The following RXRA variants were observed in gnomAD, a reference collection of about 807,000 sequenced individuals.
RXRA encodes retinoid X receptor alpha.
RXRA carries 5 observed loss-of-function variants against 44.5 expected under a neutral mutation model. The ratio of observed to expected loss-of-function variants is 0.11; its 90% CI spans 0.06 to 0.24. The LOEUF (loss-of-function observed/expected upper bound fraction) is 0.24, where lower values mean the gene tolerates loss of function less well. Among genes scored for constraint, RXRA ranks in the 10% least tolerant of loss-of-function variants. The pLI, the probability that RXRA is intolerant of heterozygous loss-of-function variation, is 1.00. For missense variants in RXRA, 412 were observed against 646.5 expected (o/e 0.64, Z 3.93); for synonymous variants, 291 against 271.4 (o/e 1.07, Z -0.71).
intron 1 of RXRA, among the ~76,000 whole-genome samples, chr9:134,378,003 G>C (rs1830584298): frequency 6.6e-6 from 1 of 152,258 alleles, no homozygotes; most frequent in Admixed American, 6.5e-5. Flanking sequence ...GCCACACCCA[G>C]GCCTGGCCCC....
At position 134,336,349 on chromosome 9, in the gene RXRA, C is replaced by T. The variant is rs79374668; in HGVS notation, c.28+9690C>T. On this transcript the variant is annotated intron_variant, in intron 1 of 9. Coordinates refer to ENST00000481739, the MANE Select transcript of RXRA (RefSeq NM_002957.6). ...AGGGGGCGTCACCCCTTAGCGGCAACGTAGAGCTGGTCTCCAGGCCCCTGC... is the reference window on the plus strand; with the variant it reads ...AGGGGGCGTCACCCCTTAGCGGCAATGTAGAGCTGGTCTCCAGGCCCCTGC... Among the ~76,000 whole-genome samples the T allele has an allele frequency of 2.1e-3, 315 of 152,338 alleles. 1 individual carries two copies. Among genetic ancestry groups the T allele is most frequent in the African/African-American group, 6.9e-3 (287 of 41,574 alleles).
chr9:134,431,640 A>G (rs1011284746), intron 7 of RXRA, among the ~76,000 whole-genome samples: 1 of 152,202 alleles, frequency 6.6e-6, no homozygotes, highest in African/African-American at 2.4e-5. Context: ...GGTTCCCAGA[A>G]TAAAGCCCCG....
chr9:134,409,975 C>A (rs1275161856), intron 4 of RXRA, among the ~76,000 whole-genome samples: 1 of 152,222 alleles, frequency 6.6e-6, no homozygotes, highest in Non-Finnish European at 1.5e-5. Flanking sequence ...GTGTGTCTTA[C>A]TTCCTCCCCG....
At chr9:134,375,283 T>C (rs767041413) in intron 1 of RXRA, among the ~76,000 whole-genome samples, 13 of 151,992 alleles carry the variant, frequency 8.6e-5, no homozygotes, top group Non-Finnish European at 1.2e-4. Flanking sequence ...CGCGTGTCAC[T>C]GTGGGGAGGT....
chr9:134,402,105 G>A (rs1830972528), intron 2 of RXRA: 2 of 557,446 alleles, frequency 3.6e-6, no homozygotes, highest in Non-Finnish European at 6.3e-6. Context: ...CAGCCGAGGT[G>A]ACTTGCAGCT....
rs1211908267 is a variant in RXRA, at chr9:134,437,639, G to A, written c.*1025G>A. Reference sequence around the variant, plus strand: ...CCTCAGAGGGGGCAGGTGGCCTGGAGAGAGAGGGGCTCAGGAACTGGGAGC... The same window carrying A: ...CCTCAGAGGGGGCAGGTGGCCTGGAAAGAGAGGGGCTCAGGAACTGGGAGC... On this transcript the variant is annotated 3_prime_UTR_variant, in exon 10 of 10. Transcript: ENST00000481739. 1 of 152,408 alleles carries A rather than the reference G, an allele frequency of 6.6e-6. No homozygotes were observed. The highest frequency in any genetic ancestry group is 1.5e-5 in the Non-Finnish European group (1 of 68,176). 9.4% of individuals were successfully genotyped at this position (152,408 alleles called of 1,614,324 possible). A position where few individuals can be genotyped will look rare whatever the true frequency, so the allele number is the denominator to read the frequency against.
intron 1 of RXRA, among the ~76,000 whole-genome samples, chr9:134,400,888 C>T (rs564537808): frequency 7.9e-5 from 12 of 152,322 alleles, no homozygotes; most frequent in African/African-American, 2.6e-4. Context: ...ATCTGGTCCC[C>T]TCAAACAGAC....
intron 6 of RXRA, chr9:134,425,500 G>C (rs1274667850): frequency 2.0e-6 from 2 of 981,002 alleles, no homozygotes; most frequent in Non-Finnish European, 1.2e-6. Flanking sequence ...CAGCGGGGTC[G>C]TCTGAGGGCC....
In RXRA at chr9:134,361,154, C is replaced by T. The variant is rs529806964; in HGVS notation, c.28+34495C>T. ...GCCATCTGACTCATCCAATTAATGC[C>T]GTGATCATTTTGCTAATTCCCTCAG... On this transcript the variant is annotated intron_variant, in intron 1 of 9. Coordinates refer to ENST00000481739, the MANE Select transcript of RXRA (RefSeq NM_002957.6). Among the ~76,000 whole-genome samples, 10 of 152,350 alleles carry T rather than the reference C, an allele frequency of 6.6e-5. No individual in the cohort carries two copies. The South Asian group carries it at 1.2e-3, about 19-fold the overall frequency.
chr9:134,352,045 G>C (rs1185156617), intron 1 of RXRA, among the ~76,000 whole-genome samples: 1 of 152,214 alleles, frequency 6.6e-6, no homozygotes, highest in Non-Finnish European at 1.5e-5. Context: ...AGGGCGGCTC[G>C]GGGCAGCCCG....
chr9:134,435,282 A>G (rs1472598331), intron 9 of RXRA, among the ~76,000 whole-genome samples: 2 of 152,138 alleles, frequency 1.3e-5, no homozygotes, highest in Non-Finnish European at 2.9e-5. Context: ...GGCCAGCCGG[A>G]AGGGACACCT....
rs1830191825 is a variant in RXRA at position 134,349,245 on chromosome 9, A to G, written c.28+22586A>G. 6.6e-6 allele frequency among the ~76,000 whole-genome samples: 1 copy of G among 152,074 alleles called. No individual in the cohort carries two copies. Among genetic ancestry groups the G allele is most frequent in the Non-Finnish European group, 1.5e-5 (1 of 68,016 alleles). ...TGCACCAGCCTGGCCCCGAGCTCCC[A>G]CTTCCTCATGCTGGGCACATGGGGA... On this transcript the variant is annotated intron_variant, in intron 1 of 9. Coordinates refer to ENST00000481739, the MANE Select transcript of RXRA (RefSeq NM_002957.6). This position sits in a 1 kb window ranked among gnomAD's most constrained non-coding sequence, Gnocchi z 4.3.
intron 2 of RXRA, chr9:134,406,291 G>A (rs1831049042): frequency 6.6e-6 from 1 of 151,898 alleles, no homozygotes; most frequent in African/African-American, 2.4e-5. Flanking sequence ...CTACTCAGGA[G>A]GCTGAAGCAG....
intron 1 of RXRA, among the ~76,000 whole-genome samples, chr9:134,351,080 C>A (rs782297144): frequency 6.6e-6 from 1 of 152,262 alleles, no homozygotes; most frequent in Non-Finnish European, 1.5e-5. Flanking sequence ...GGTACAAACA[C>A]CGCATTGTGA....
At position 134,407,301 on chromosome 9, in the gene RXRA, G is replaced by C. The variant is rs573683915; in HGVS notation, c.280-848G>C. Among the ~76,000 whole-genome samples the C allele has an allele frequency of 1.3e-5, 2 of 152,258 alleles. No individual in the cohort carries two copies. The highest frequency in any genetic ancestry group is 1.3e-4 in the Admixed American group (2 of 15,290). On this transcript the variant is annotated intron_variant, in intron 2 of 9. Transcript: ENST00000481739. This position sits in a 1 kb window ranked among gnomAD's most constrained non-coding sequence, Gnocchi z 4.8. ...GGGGAGCTTCCTGCGCACAAGCGGC[G>C]GCAGGGGTTTGCAGAAGTGGAGGCT...
chr9:134,337,730 C>T (rs1554747522), intron 1 of RXRA, among the ~76,000 whole-genome samples: 2 of 152,102 alleles, frequency 1.3e-5, no homozygotes, highest in South Asian at 2.1e-4. Flanking sequence ...CTTCACTTTG[C>T]GTCGTCGAAG....
intron 4 of RXRA, among the ~76,000 whole-genome samples, chr9:134,412,455 C>T (rs34317877): frequency 0.015 from 2,301 of 152,318 alleles, 57 homozygotes; most frequent in African/African-American, 0.051. Flanking sequence ...TGCCCCCATG[C>T]GGTGACTCTG....
intron 1 of RXRA, among the ~76,000 whole-genome samples, chr9:134,364,129 T>C (rs1830386376): frequency 1.3e-5 from 2 of 152,206 alleles, no homozygotes; most frequent in Non-Finnish European, 2.9e-5. Context: ...AACCGTGATG[T>C]TGCCCATTTC....
chr9:134,411,273 GC>G (rs1219177622), intron 4 of RXRA, among the ~76,000 whole-genome samples: 1 of 152,176 alleles, frequency 6.6e-6, no homozygotes, highest in Admixed American at 6.5e-5. Context: ...GCCCCCCAAA[GC>G]CTGGGGACGA....
Sources: allele counts gnomAD v4.1 joint callset (sites outside exome capture counted in the v4.1 genomes callset), GRCh38; gene constraint gnomAD v4.1.1; non-coding constraint Gnocchi (gnomAD v3.1); transcripts MANE v1.5; gene names NCBI Gene and HGNC (gene_info 2026-07-23, HGNC 2026-07-21).